Variants in DLG2 observed in about 807,000 individuals in gnomAD.
The protein encoded by DLG2 is discs large MAGUK scaffold protein 2.
DLG2 carries 45 observed loss-of-function variants against 132.5 expected under a neutral mutation model. The observed-to-expected ratio is 0.34, with a 90% confidence interval of 0.27 to 0.44. The LOEUF (loss-of-function observed/expected upper bound fraction) is 0.44. Among genes scored for constraint, DLG2 ranks in the 20% least tolerant of loss-of-function variants. DLG2 has a pLI of 1.00. For synonymous variants in DLG2, 424 were observed against 419.6 expected, an observed-to-expected ratio of 1.01 and a Z score of -0.13; for missense variants, 1,045 against 1,196.9, an observed-to-expected ratio of 0.87 and a Z score of 1.87.
chr11:83,593,685 A>T (rs1252447864), intron 19 of DLG2, among the ~76,000 whole-genome samples: 1 of 151,716 alleles, frequency 6.6e-6, no homozygotes, highest in Non-Finnish European at 1.5e-5. Context: ...AAAAAAAAGA[A>T]TTTATATAGA....
intron 21 of DLG2, among the ~76,000 whole-genome samples, chr11:83,492,069 A>G (rs1301364985): frequency 1.3e-5 from 2 of 152,080 alleles, no homozygotes; most frequent in Non-Finnish European, 2.9e-5. Flanking sequence ...TATTTGCAGC[A>G]AAGATCAGAT....
intron 6 of DLG2, among the ~76,000 whole-genome samples, chr11:84,653,615 T>C (rs1169773213): frequency 6.6e-6 from 1 of 152,176 alleles, no homozygotes; most frequent in Non-Finnish European, 1.5e-5. Context: ...TGAGTATTTA[T>C]CTTGCACTAT....
chr11:85,225,603 C>A (rs1283551741), intron 4 of DLG2, among the ~76,000 whole-genome samples: 1 of 152,092 alleles, frequency 6.6e-6, no homozygotes, highest in Non-Finnish European at 1.5e-5. Flanking sequence ...TTTCTCTCCA[C>A]TGACTTCTGC....
intron 10 of DLG2, among the ~76,000 whole-genome samples, chr11:84,072,491 G>A (rs530680824): frequency 6.6e-6 from 1 of 152,310 alleles, no homozygotes; most frequent in African/African-American, 2.4e-5. Context: ...TACATAACAG[G>A]AGAACCTTAT....
chr11:83,463,150 G>A (rs184609770), intron 26 of DLG2, among the ~76,000 whole-genome samples: 34 of 152,120 alleles, frequency 2.2e-4, no homozygotes, highest in Non-Finnish European at 3.2e-4. Context: ...TGTATTTAAC[G>A]AAGAGTAATC....
At chr11:84,532,446 A>G (rs1474052867) in intron 7 of DLG2, among the ~76,000 whole-genome samples, 1 of 152,050 alleles carries the variant, frequency 6.6e-6, no homozygotes. Flanking sequence ...AGAGGTGATT[A>G]AGGAGGAAAG....
intron 7 of DLG2, chr11:84,273,125 G>A (rs1030594959): frequency 1.3e-6 from 2 of 1,482,432 alleles, no homozygotes; most frequent in African/African-American, 2.9e-5. Context: ...AGAATCCCTA[G>A]GAAAATAAAA....
chr11:84,343,015 T>C (rs1017622589), intron 7 of DLG2, among the ~76,000 whole-genome samples: 4 of 152,164 alleles, frequency 2.6e-5, no homozygotes, highest in Non-Finnish European at 5.9e-5. Flanking sequence ...TTCAGTCTAG[T>C]GAAGAAGGCA....
chr11:84,661,149 T>C (rs1424372025), intron 6 of DLG2, among the ~76,000 whole-genome samples: 2 of 152,192 alleles, frequency 1.3e-5, no homozygotes, highest in African/African-American at 2.4e-5. Flanking sequence ...CAGAAAAAAA[T>C]GCCAAGGCAT....
intron 6 of DLG2, among the ~76,000 whole-genome samples, chr11:84,538,626 C>A (rs75798814): frequency 6.6e-6 from 1 of 151,992 alleles, no homozygotes; most frequent in African/African-American, 2.4e-5. Flanking sequence ...AACTGCCCTC[C>A]ATAAATCATG....
At chr11:83,761,448 T>A (rs949834397) in intron 18 of DLG2, among the ~76,000 whole-genome samples, 2 of 152,222 alleles carry the variant, frequency 1.3e-5, no homozygotes, top group African/African-American at 2.4e-5. Context: ...TAATTTACAA[T>A]TACAATTTGC....
intron 6 of DLG2, among the ~76,000 whole-genome samples, chr11:84,535,863 T>G (rs1188837362): frequency 2.0e-5 from 3 of 151,974 alleles, no homozygotes; most frequent in African/African-American, 7.3e-5. Flanking sequence ...ATCTAAACAT[T>G]GTCATAACAC....
At chr11:84,981,820 C>T (rs1440286217) in intron 6 of DLG2, among the ~76,000 whole-genome samples, 2 of 151,992 alleles carry the variant, frequency 1.3e-5, no homozygotes, top group African/African-American at 2.4e-5. Flanking sequence ...ACTTCCTCAC[C>T]TCCCACTCAT....
At chr11:85,137,161 A>C (rs1463594212) in intron 5 of DLG2, among the ~76,000 whole-genome samples, 1 of 152,114 alleles carries the variant, frequency 6.6e-6, no homozygotes, top group Non-Finnish European at 1.5e-5. Context: ...TTTCTAGCTG[A>C]AGTGTTACAA....
intron 6 of DLG2, among the ~76,000 whole-genome samples, chr11:84,788,100 C>CAAAAAAAAAAAAAAAAAAAA (rs139086655): frequency 4.4e-5 from 2 of 45,666 alleles, no homozygotes; most frequent in African/African-American, 1.0e-4. Context: ...GAATATGTCT[C>CAAAAAAAAAAAAAAAAAAAA]AAAAAAAAAA....
chr11:85,435,883 G>A lies in DLG2; in HGVS notation c.41-150518C>T, dbSNP rs1164874357. Among the ~76,000 whole-genome samples the A allele has an allele frequency of 3.3e-5, 5 of 152,050 alleles. No individual in the cohort carries two copies. In the East Asian group the frequency reaches 9.6e-4, roughly 29 times the overall value. On this transcript the variant is annotated intron_variant, in intron 3 of 27. Coordinates refer to ENST00000376104, the MANE Select transcript of DLG2 (RefSeq NM_001142699.3). The stretch of plus-strand genomic sequence containing the variant: ...ATCCTAAGCAAAAAGAACAAAGCTG[G>A]AGGCATCATGTTACCTGACTTCAAA...
chr11:84,288,972 AT>A (rs1292945061), intron 7 of DLG2, among the ~76,000 whole-genome samples: 1 of 152,098 alleles, frequency 6.6e-6, no homozygotes, highest in Non-Finnish European at 1.5e-5. Context: ...TTCTTTTTTC[AT>A]CAGTAATCTC....
At chr11:83,663,829 G>A (rs1032753183) in intron 18 of DLG2, among the ~76,000 whole-genome samples, 3 of 152,202 alleles carry the variant, frequency 2.0e-5, no homozygotes, top group East Asian at 1.9e-4. Context: ...CAAGGGCATT[G>A]TAATTCCGAG....
intron 6 of DLG2, among the ~76,000 whole-genome samples, chr11:84,588,219 A>T (rs1212983123): frequency 1.3e-5 from 2 of 152,166 alleles, no homozygotes; most frequent in Non-Finnish European, 2.9e-5. Flanking sequence ...TACAGAGAAT[A>T]AGAAGATGCA....
Sources: gnomAD v4.1 joint callset for allele counts (sites outside exome capture counted in the v4.1 genomes callset) on GRCh38, gnomAD v4.1.1 for gene constraint, MANE v1.5 for transcripts, NCBI Gene and HGNC (gene_info 2026-07-23, HGNC 2026-07-21) for gene names.